The following NCOA1 variants were observed in gnomAD, a reference collection of about 807,000 sequenced individuals.
The protein encoded by NCOA1 is Hin-2 protein.
In NCOA1, 35 loss-of-function variants were observed where a neutral mutation model predicts 150.9. That is an observed-to-expected ratio of 0.23 (90% CI 0.18 to 0.31). The LOEUF (loss-of-function observed/expected upper bound fraction) is 0.31. Ranked by LOEUF, NCOA1 falls within the 10% of genes least tolerant of loss-of-function variation. NCOA1 has a pLI of 1.00. For synonymous variants in NCOA1, 590 were observed against 630.0 expected (o/e 0.94, Z 0.95); for missense variants, 1,491 against 1,749.3 (o/e 0.85, Z 2.63).
intron 20 of NCOA1, among the ~76,000 whole-genome samples, chr2:24,752,658 C>A (rs933629672): frequency 1.3e-5 from 2 of 152,006 alleles, no homozygotes; most frequent in African/African-American, 4.8e-5. Context: ...AAAAGTTTTT[C>A]TTTATAAGAA....
At chr2:24,743,973 G>C (rs1663749641) in intron 19 of NCOA1, among the ~76,000 whole-genome samples, 1 of 152,190 alleles carries the variant, frequency 6.6e-6, no homozygotes, top group Non-Finnish European at 1.5e-5. Flanking sequence ...CAAGAAAGGA[G>C]AACTTTATAT....
chr2:24,525,884 G>T (rs1162486685), intron 1 of NCOA1, among the ~76,000 whole-genome samples: 1 of 152,086 alleles, frequency 6.6e-6, no homozygotes, highest in Non-Finnish European at 1.5e-5. Flanking sequence ...CCTTAGGTCT[G>T]CTTCCTTATG....
rs1268050046 is a variant in NCOA1 at position 24,697,817 on chromosome 2, A to G, written c.949+19A>G. The stretch of plus-strand genomic sequence containing the variant: ...CAAGAAGGTAAAATTTTCTCTCTCA[A>G]TTATTTTCATTAACCCTTATCTTTA... On this transcript the variant is annotated intron_variant, in intron 11 of 22. Transcript: ENST00000348332. 1.9e-6 allele frequency: 3 copies of G among 1,600,590 alleles called. No homozygotes were observed. The highest frequency in any genetic ancestry group is 2.6e-6 in the Non-Finnish European group (3 of 1,168,656).
intron 11 of NCOA1, among the ~76,000 whole-genome samples, chr2:24,702,811 A>G (rs56027836): frequency 1.3e-5 from 2 of 152,186 alleles, no homozygotes; most frequent in Non-Finnish European, 2.9e-5. Flanking sequence ...ACAAAATGGG[A>G]TTCCAAAACT....
chr2:24,535,703 T>G (rs1665102379), intron 1 of NCOA1, among the ~76,000 whole-genome samples: 1 of 152,214 alleles, frequency 6.6e-6, no homozygotes, highest in Admixed American at 6.5e-5. Context: ...TTTCCTTCAC[T>G]TATGAAGCTT....
chr2:24,587,737 T>G (rs1259289056), intron 3 of NCOA1, among the ~76,000 whole-genome samples: 1 of 152,212 alleles, frequency 6.6e-6, no homozygotes, highest in African/African-American at 2.4e-5. Context: ...CCAGTGATTG[T>G]TAGCTTTCTT....
chr2:24,653,804 C>CA (rs980817457), intron 4 of NCOA1, among the ~76,000 whole-genome samples: 1 of 152,008 alleles, frequency 6.6e-6, no homozygotes, highest in African/African-American at 2.4e-5. Context: ...GCTAAGGAAA[C>CA]AAAAAATGGC....
At chr2:24,690,345 C>T (rs920224563) in intron 8 of NCOA1, among the ~76,000 whole-genome samples, 2 of 151,782 alleles carry the variant, frequency 1.3e-5, no homozygotes, top group East Asian at 1.9e-4. Flanking sequence ...GGTAGGAAAA[C>T]GTTTGGGAAC....
intron 1 of NCOA1, among the ~76,000 whole-genome samples, chr2:24,514,076 C>T (rs961713798): frequency 6.6e-6 from 1 of 151,884 alleles, no homozygotes; most frequent in East Asian, 1.9e-4. Flanking sequence ...ATCACGAGGT[C>T]AGGAGATCGA....
chr2:24,566,511 G>T (rs546717675), intron 2 of NCOA1, among the ~76,000 whole-genome samples: 14 of 152,214 alleles, frequency 9.2e-5, no homozygotes, highest in Non-Finnish European at 2.1e-4. Context: ...CTTCCCAGGG[G>T]CTGAAGTGCA....
intron 17 of NCOA1, among the ~76,000 whole-genome samples, chr2:24,738,013 T>C (rs549372464): frequency 5.9e-5 from 9 of 152,306 alleles, no homozygotes; most frequent in African/African-American, 2.2e-4. Flanking sequence ...GTTGGTATCT[T>C]TCTTTTTGAA....
rs773863620 is a variant in NCOA1, at chr2:24,691,604, A to T, written c.656A>T (p.Glu219Val). Residue 219 changes from glutamate (E) to valine (V), a missense_variant, in exon 9 of 23, where the codon GAA (glutamate) becomes GTA (valine). Transcript: ENST00000348332. Reference protein sequence around the residue: ...TENQEACQRYEVMQCFTVSQP... With the variant: ...TENQEACQRYVVMQCFTVSQP... ...AACCAAGAAGCTTGCCAGCGTTATG[A>T]AGTAATGCAGTGTTTCACTGTGTCA... 6.2e-7 allele frequency: 1 copy of T among 1,614,160 alleles called. No homozygotes were observed. The highest frequency in any genetic ancestry group is 1.3e-5 in the African/African-American group (1 of 75,048).
intron 17 of NCOA1, among the ~76,000 whole-genome samples, chr2:24,734,338 C>T (rs1000161086): frequency 3.3e-5 from 5 of 151,932 alleles, no homozygotes; most frequent in African/African-American, 4.8e-5. Context: ...GACAGTTGTT[C>T]CAAATTCAAT....
chr2:24,516,223 C>T (rs1203664612), intron 1 of NCOA1, among the ~76,000 whole-genome samples: 9 of 132,264 alleles, frequency 6.8e-5, no homozygotes, highest in East Asian at 2.2e-4. Flanking sequence ...GACGGAGCCT[C>T]GCTCTGTCGC....
chr2:24,579,754 A>C (rs188056897), intron 2 of NCOA1, among the ~76,000 whole-genome samples: 1 of 152,308 alleles, frequency 6.6e-6, no homozygotes, highest in African/African-American at 2.4e-5. Flanking sequence ...GTCCTGGTAA[A>C]CACCCTAGGT....
intron 3 of NCOA1, among the ~76,000 whole-genome samples, chr2:24,606,089 A>G (rs538548208): frequency 1.3e-5 from 2 of 152,064 alleles, no homozygotes; most frequent in African/African-American, 4.8e-5. Flanking sequence ...GATTTTTTTT[A>G]AAAAAATTTA....
At chr2:24,634,464 G>A (rs1051154496) in intron 3 of NCOA1, among the ~76,000 whole-genome samples, 13 of 152,014 alleles carry the variant, frequency 8.6e-5, no homozygotes, top group African/African-American at 2.4e-4. Context: ...TACATTATAG[G>A]TACTCTTCTA....
At chr2:24,555,952 C>G (rs1666050228) in intron 1 of NCOA1, 1 of 152,178 alleles carries the variant, frequency 6.6e-6, no homozygotes, top group South Asian at 2.1e-4. Context: ...AATGTACCAT[C>G]TTGCTAGTCT....
intron 3 of NCOA1, among the ~76,000 whole-genome samples, chr2:24,627,715 T>G (rs1173916145): frequency 6.6e-6 from 1 of 152,240 alleles, no homozygotes; most frequent in Admixed American, 6.5e-5. Flanking sequence ...GTTTTGATGG[T>G]CCTCAGTAGA....
Sources: gnomAD v4.1 joint callset for allele counts (sites outside exome capture counted in the v4.1 genomes callset) on GRCh38, gnomAD v4.1.1 for gene constraint, MANE v1.5 for transcripts, NCBI Gene and HGNC (gene_info 2026-07-23, HGNC 2026-07-21) for gene names.